Variants in RYR2 observed in about 807,000 individuals in gnomAD.
The protein encoded by RYR2 is cardiac muscle ryanodine receptor-calcium release channel.
Under a neutral mutation model 601.1 loss-of-function variants are expected in RYR2, and 227 were observed. That is an observed-to-expected ratio of 0.38 (90% CI 0.34 to 0.42). The LOEUF is 0.42. Among genes scored for constraint, RYR2 ranks in the 10% least tolerant of loss-of-function variants. The pLI is 1.00. For synonymous variants in RYR2, 2,223 were observed against 2,175.1 expected, an observed-to-expected ratio of 1.02 and a Z score of -0.61; for missense variants, 4,646 against 6,156.5, an observed-to-expected ratio of 0.75 and a Z score of 8.21.
At chr1:237,712,235 T>C (rs61830260) in intron 71 of RYR2, among the ~76,000 whole-genome samples, 1,570 of 152,136 alleles carry the variant, frequency 0.01, 11 homozygotes, top group Non-Finnish European at 0.018. Context: ...GGTTTCTGAT[T>C]GGCTAATTTG....
chr1:237,308,468 C>T (rs544710790), intron 2 of RYR2, among the ~76,000 whole-genome samples: 4 of 152,282 alleles, frequency 2.6e-5, no homozygotes, highest in East Asian at 1.9e-4. Context: ...AAGAATCCTC[C>T]CTTGGATCTG....
intron 24 of RYR2, among the ~76,000 whole-genome samples, chr1:237,525,445 TTTG>T (rs1049350745): frequency 8.6e-5 from 11 of 128,280 alleles, no homozygotes; most frequent in African/African-American, 2.5e-4. Flanking sequence ...AGGTGTTTTT[TTTG>T]TTTGTTTGTT....
At chr1:237,119,772 C>A (rs1004232954) in intron 1 of RYR2, among the ~76,000 whole-genome samples, 14 of 152,310 alleles carry the variant, frequency 9.2e-5, no homozygotes, top group African/African-American at 3.1e-4. Flanking sequence ...TGGGGGAAAG[C>A]CTTTCACCTG....
chr1:237,512,356 A>G (rs990055384), intron 24 of RYR2, among the ~76,000 whole-genome samples: 5 of 152,236 alleles, frequency 3.3e-5, no homozygotes, highest in Admixed American at 2.6e-4. Context: ...GTTCTTCACC[A>G]TAGGTAATTT....
intron 21 of RYR2, among the ~76,000 whole-genome samples, chr1:237,502,833 TAA>T (rs772650724): frequency 3.6e-5 from 5 of 137,282 alleles, no homozygotes; most frequent in Admixed American, 1.5e-4. Flanking sequence ...AAAAAGAATC[TAA>T]AAAAAAAAAA....
chr1:237,176,863 T>G (rs1042496283), intron 1 of RYR2, among the ~76,000 whole-genome samples: 3 of 152,178 alleles, frequency 2.0e-5, no homozygotes, highest in African/African-American at 7.2e-5. Context: ...GAAAGTGTAG[T>G]AGAAGGTTCA....
chr1:237,411,544 C>T (rs4659496), intron 10 of RYR2, among the ~76,000 whole-genome samples: 123,888 of 152,120 alleles, frequency 0.81, 51,100 homozygotes, highest in East Asian at 1. Flanking sequence ...ATTATGACCA[C>T]AATCATGGTC....
intron 89 of RYR2, among the ~76,000 whole-genome samples, chr1:237,782,757 T>C (rs1695226837): frequency 6.6e-6 from 1 of 152,214 alleles, no homozygotes; most frequent in South Asian, 2.1e-4. Flanking sequence ...TATTTAATCC[T>C]AGTAACAAGT....
At chr1:237,501,239 T>C (rs2150479853) in intron 21 of RYR2, among the ~76,000 whole-genome samples, 1 of 152,054 alleles carries the variant, frequency 6.6e-6, no homozygotes, top group African/African-American at 2.4e-5. Flanking sequence ...AAAATACTGC[T>C]TATTTTCTTA....
intron 1 of RYR2, among the ~76,000 whole-genome samples, chr1:237,045,465 T>C (rs974651059): frequency 2.0e-5 from 3 of 152,208 alleles, no homozygotes; most frequent in Admixed American, 2.0e-4. Flanking sequence ...AATAGTTATG[T>C]AGATGAATGA....
chr1:237,045,612 A>C (rs1304855246), intron 1 of RYR2, among the ~76,000 whole-genome samples: 1 of 152,218 alleles, frequency 6.6e-6, no homozygotes, highest in Non-Finnish European at 1.5e-5. Flanking sequence ...AAATCCTATC[A>C]TAAAATAAGC....
At chr1:237,125,178 C>T (rs1394631955) in intron 1 of RYR2, among the ~76,000 whole-genome samples, 1 of 152,068 alleles carries the variant, frequency 6.6e-6, no homozygotes, top group East Asian at 1.9e-4. Context: ...AGATACGAAA[C>T]TGGTGGATAT....
At chr1:237,339,101 T>A (rs933665987) in intron 3 of RYR2, among the ~76,000 whole-genome samples, 2 of 152,048 alleles carry the variant, frequency 1.3e-5, no homozygotes, top group African/African-American at 4.8e-5. Context: ...TTAAACTCCA[T>A]TAAAATACAG....
chr1:237,257,560 T>G (rs1251550345), intron 1 of RYR2, among the ~76,000 whole-genome samples: 4 of 152,184 alleles, frequency 2.6e-5, no homozygotes, highest in South Asian at 2.1e-4. Flanking sequence ...CATTCTTTAT[T>G]CTCCAAATAG....
At chr1:237,709,596 C>CCTACTGTTT (rs746359199) in intron 70 of RYR2, 29 bp downstream of exon 70, 1 of 1,457,932 alleles carries the variant, frequency 6.9e-7, no homozygotes, top group South Asian at 1.2e-5. Flanking sequence ...ATAGATCACG[C>CCTACTGTTT]CTACTGTTTG....
chr1:237,726,910 A>T (rs1690251544), intron 75 of RYR2, among the ~76,000 whole-genome samples, 177 bp from the exon 76 acceptor site: 1 of 152,096 alleles, frequency 6.6e-6, no homozygotes. Flanking sequence ...CTTTTAGGAT[A>T]TGGACTTCTT....
At chr1:237,536,841 G>A (rs991964736) in intron 25 of RYR2, among the ~76,000 whole-genome samples, 4 of 151,062 alleles carry the variant, frequency 2.6e-5, no homozygotes, top group African/African-American at 9.8e-5. Context: ...AGCCGAGATC[G>A]CGCCACTGCA....
intron 79 of RYR2, 30 bp downstream of exon 79, chr1:237,733,786 TTTAA>T: frequency 2.1e-6 from 3 of 1,403,336 alleles, no homozygotes; most frequent in Non-Finnish European, 3.0e-6. Context: ...GATTTTCATG[TTTAA>T]TTTTAATAAA....
chr1:237,204,091 A>G (rs1681508042), intron 1 of RYR2, among the ~76,000 whole-genome samples: 1 of 152,208 alleles, frequency 6.6e-6, no homozygotes, highest in African/African-American at 2.4e-5. Context: ...ACGCACTGCA[A>G]CCTTCTCCTC....
Sources: allele counts gnomAD v4.1 joint callset (sites outside exome capture counted in the v4.1 genomes callset), GRCh38; gene constraint gnomAD v4.1.1; transcripts MANE v1.5; gene names NCBI Gene and HGNC (gene_info 2026-07-23, HGNC 2026-07-21).